The following SAYSD1 variants were observed in gnomAD, a reference collection of about 807,000 sequenced individuals.
SAYSD1 encodes the protein SAYSVFN motif domain containing 1, also known as SAYSvFN domain-containing protein 1.
SAYSD1 carries 15 observed loss-of-function variants against 14.5 expected under a neutral mutation model. The ratio of observed to expected loss-of-function variants is 1.03; its 90% CI spans 0.69 to 1.59. The LOEUF (loss-of-function observed/expected upper bound fraction) is 1.59, where lower values mean the gene tolerates loss of function less well. SAYSD1 is among the 40% of genes most tolerant of loss of function. SAYSD1 has a pLI of 0.00. For missense variants in SAYSD1, 247 were observed against 227.3 expected, an observed-to-expected ratio of 1.09 and a Z score of -0.56; for synonymous variants, 105 against 102.6, an observed-to-expected ratio of 1.02 and a Z score of -0.14.
At position 39,109,622 on chromosome 6, in the gene SAYSD1, T is replaced by C. The variant is rs1268681296; in HGVS notation, c.208-3846A>G. 52 of 1,272,708 alleles carry C rather than the reference T, an allele frequency of 4.1e-5. 1 individual carries two copies. In the Middle Eastern group the frequency reaches 9.5e-4, roughly 23 times the overall value. 78.8% of individuals were successfully genotyped at this position (1,272,708 alleles called of 1,614,324 possible). A position where few individuals can be genotyped will look rare whatever the true frequency, so the allele number is the denominator to read the frequency against. On this transcript the variant is annotated intron_variant, in intron 1 of 1. Transcript: ENST00000229903. ...ATTACAGTTTCTTGATCCCTTCATC[T>C]GTAGATGGACAGGAGATAAAGTTTT...
chr6:39,108,761 C>T (rs920991693), intron 1 of SAYSD1, among the ~76,000 whole-genome samples: 5 of 152,136 alleles, frequency 3.3e-5, no homozygotes, highest in African/African-American at 1.2e-4. Flanking sequence ...CCGTTTTTGC[C>T]AGGGTGGTTC....
intron 1 of SAYSD1, among the ~76,000 whole-genome samples, chr6:39,114,617 A>C (rs1769698249): frequency 6.6e-6 from 1 of 152,248 alleles, no homozygotes; most frequent in Non-Finnish European, 1.5e-5. Flanking sequence ...CGGAGTGAAT[A>C]ATTTAAGAGC....
At chr6:39,113,199 T>G (rs574045717) in intron 1 of SAYSD1, 1 of 152,192 alleles carries the variant, frequency 6.6e-6, no homozygotes, top group Non-Finnish European at 1.5e-5. Flanking sequence ...GATGGTTGCA[T>G]GACTCAATAA....
At chr6:39,110,660 C>T (rs1237097085) in intron 1 of SAYSD1, 1 of 151,916 alleles carries the variant, frequency 6.6e-6, no homozygotes, top group African/African-American at 2.4e-5. Flanking sequence ...ACCACTTTTA[C>T]TTGCTATAGT....
chr6:39,105,902 A>G, intron 1 of SAYSD1, 126 bp from the exon 2 acceptor site: 1 of 794,216 alleles, frequency 1.3e-6, no homozygotes, highest in Non-Finnish European at 2.0e-6. Flanking sequence ...CTATTCTTTC[A>G]TGCAACTCTC....
Position 39,114,901 on chromosome 6 carries a change from G to A in SAYSD1, c.189C>T (p.Ala63=). 5 of 1,612,676 alleles carry A rather than the reference G, an allele frequency of 3.1e-6. No homozygotes were observed. Among genetic ancestry groups the A allele is most frequent in the Non-Finnish European group, 4.2e-6 (5 of 1,179,886 alleles). ...VWKPRPASAR[A]QPGLVQEAAQ... is the part of the protein sequence containing the mutation. ...GTCTCACCTGAACTAGGCCGGGCTG[G>A]GCCCGGGCACTCGCGGGCCTAGGTT... Residue 63 remains alanine, a synonymous_variant, in exon 1 of 2, where the codon GCC becomes GCT. Transcript: ENST00000229903.
At chr6:39,105,877 C>G in intron 1 of SAYSD1, 101 bp from the exon 2 acceptor site, 2 of 1,028,538 alleles carry the variant, frequency 1.9e-6, no homozygotes, top group South Asian at 3.3e-5. Flanking sequence ...GAGAAGGCTG[C>G]TGGCTCATTG....
chr6:39,106,365 T>C (rs922614190), intron 1 of SAYSD1, among the ~76,000 whole-genome samples: 2 of 152,026 alleles, frequency 1.3e-5, no homozygotes, highest in Non-Finnish European at 2.9e-5. Context: ...TCATCTCTAC[T>C]AAAAATACGA....
intron 1 of SAYSD1, chr6:39,111,008 G>A (rs1769614897): frequency 6.6e-6 from 1 of 152,068 alleles, no homozygotes; most frequent in African/African-American, 2.4e-5. Context: ...AAAGATTCTG[G>A]GAGTTCTGAA....
In SAYSD1 at chr6:39,104,765, G is replaced by GAA. The variant is rs1332419830; in HGVS notation, c.*665_*666dup. On this transcript the variant is annotated 3_prime_UTR_variant, in exon 2 of 2. Coordinates refer to ENST00000229903, the MANE Select transcript of SAYSD1 (RefSeq NM_018322.3). The stretch of plus-strand genomic sequence containing the variant: ...GAACTGGCCGTTAATAACCACTTGT[G>GAA]AAATCCCTCCCCACACCTGCACTTA... The GAA allele has an allele frequency of 6.6e-6, 1 of 152,394 alleles. No individual in the cohort carries two copies. Among genetic ancestry groups the GAA allele is most frequent in the East Asian group, 1.9e-4 (1 of 5,204 alleles). The allele number at this position is 152,394 out of a possible 1,614,324, so 9.4% of individuals were successfully genotyped here. A position where few individuals can be genotyped will look rare whatever the true frequency, so the allele number is the denominator to read the frequency against.
intron 1 of SAYSD1, chr6:39,109,182 A>T: frequency 1.1e-6 from 1 of 883,532 alleles, no homozygotes; most frequent in Non-Finnish European, 1.8e-6. Flanking sequence ...AGCCTGAGCC[A>T]AGGCCTGGAG....
chr6:39,114,778 T>C (rs1769703744), intron 1 of SAYSD1, 105 bp downstream of exon 1: 1 of 1,151,330 alleles, frequency 8.7e-7, no homozygotes, highest in Non-Finnish European at 1.3e-6. Flanking sequence ...GGGGGGCCAG[T>C]AGCCCCGCCT....
intron 1 of SAYSD1, 24 bp from the exon 2 acceptor site, chr6:39,105,800 G>T (rs778145520): frequency 6.2e-7 from 1 of 1,601,136 alleles, no homozygotes; most frequent in South Asian, 1.1e-5. Context: ...ACAAACAAAA[G>T]AAAGAATAAA....
chr6:39,109,862 A>G (rs1212895911), intron 1 of SAYSD1, among the ~76,000 whole-genome samples: 1 of 152,166 alleles, frequency 6.6e-6, no homozygotes, highest in Non-Finnish European at 1.5e-5. Context: ...GTCATTTACC[A>G]TGATGTCCTC....
At chr6:39,114,783 CCGCCTCCGGCAGCTAGGGCCA>C in intron 1 of SAYSD1, 79 bp downstream of exon 1, 1 of 1,236,074 alleles carries the variant, frequency 8.1e-7, no homozygotes, top group Non-Finnish European at 1.2e-6. Flanking sequence ...GCCAGTAGCC[CCGCCTCCGGCAGCTAGGGCCA>C]CACCCCCGGC....
At chr6:39,108,328 C>A (rs932214703) in intron 1 of SAYSD1, among the ~76,000 whole-genome samples, 1 of 149,308 alleles carries the variant, frequency 6.7e-6, no homozygotes, top group African/African-American at 2.5e-5. Flanking sequence ...AGTCTCGGAT[C>A]CTAGGATGGT....
rs771379087 is a variant in SAYSD1, at chr6:39,115,082, T to C, written c.8A>G (p.Gln3Arg). 2 of 1,605,026 alleles carry C rather than the reference T, an allele frequency of 1.2e-6. No homozygotes were observed. Among genetic ancestry groups the C allele is most frequent in the South Asian group, 1.1e-5 (1 of 90,930 alleles). The change falls in exon 1 of 2, where the codon CAG becomes CGG. Residue 3 changes from glutamine (Q) to arginine (R), a missense_variant. Transcript: ENST00000229903. ...CGCCGCCCGAAACTCAGCTAACCGCTGTTCCATGGCGCGCGCCTCGCGTCC... is the reference window on the plus strand; with the variant it reads ...CGCCGCCCGAAACTCAGCTAACCGCCGTTCCATGGCGCGCGCCTCGCGTCC... Reference protein sequence around the residue: MEQRLAEFRAARK... With the variant: MERRLAEFRAARK...
intron 1 of SAYSD1, among the ~76,000 whole-genome samples, chr6:39,107,487 C>T (rs1387738953): frequency 1.3e-5 from 2 of 152,170 alleles, no homozygotes; most frequent in Non-Finnish European, 2.9e-5. Flanking sequence ...ACATGGCATC[C>T]CATACTTAGG....
At chr6:39,111,166 T>C (rs1475184790) in intron 1 of SAYSD1, 1 of 151,748 alleles carries the variant, frequency 6.6e-6, no homozygotes, top group Non-Finnish European at 1.5e-5. Flanking sequence ...AAGGAAAAAA[T>C]ATATAGTAAA....
Sources: gnomAD v4.1 joint callset for allele counts (sites outside exome capture counted in the v4.1 genomes callset) on GRCh38, gnomAD v4.1.1 for gene constraint, MANE v1.5 for transcripts, NCBI Gene and HGNC (gene_info 2026-07-23, HGNC 2026-07-21) for gene names.